CCDC62: variants seen among roughly 807,000 people sequenced by gnomAD.
The protein encoded by CCDC62 is coiled-coil domain containing 62, also known as coiled-coil domain-containing protein 62.
A neutral mutation model predicts 80.8 loss-of-function variants in CCDC62; 72 were observed. That is an observed-to-expected ratio of 0.89 (90% CI 0.74 to 1.08). The LOEUF (loss-of-function observed/expected upper bound fraction) is 1.08. Among genes scored for constraint, CCDC62 ranks in the 50% least tolerant of loss-of-function variants. CCDC62 has a pLI of 0.00. For missense variants in CCDC62, 704 were observed against 809.4 expected (o/e 0.87, Z 1.58); for synonymous variants, 286 against 296.5 (o/e 0.96, Z 0.36).
chr12:122,813,234 C>T, intron 10 of CCDC62, 36 bp from the exon 11 acceptor site: 3 of 1,565,736 alleles, frequency 1.9e-6, no homozygotes, highest in Non-Finnish European at 2.6e-6. Context: ...TGTTTGTAAA[C>T]CTAAGCATTT....
intron 11 of CCDC62, among the ~76,000 whole-genome samples, chr12:122,821,359 AT>A (rs751238978): frequency 6.6e-6 from 1 of 152,192 alleles, no homozygotes; most frequent in Non-Finnish European, 1.5e-5. Context: ...GACCCCACAC[AT>A]GAATGGGAAG....
Position 122,774,655 on chromosome 12 carries a change from G to A in CCDC62, c.-16G>A. The stretch of plus-strand genomic sequence containing the variant: ...GCCGCCCACACCGGGCTTCTCCGGG[G>A]GCGGAGGAAACACCTATGAACCCTC... On this transcript the variant is annotated 5_prime_UTR_variant, in exon 1 of 13. Transcript: ENST00000253079. The A allele has an allele frequency of 1.6e-6, 2 of 1,249,384 alleles. No homozygotes were observed. The highest frequency in any genetic ancestry group is 2.0e-6 in the Non-Finnish European group (2 of 987,838). 77.4% of individuals were successfully genotyped at this position (1,249,384 alleles called of 1,614,324 possible). A position where few individuals can be genotyped will look rare whatever the true frequency, so the allele number is the denominator to read the frequency against.
chr12:122,813,503 C>A (rs369297674), intron 11 of CCDC62, 84 bp downstream of exon 11: 3 of 1,333,326 alleles, frequency 2.3e-6, no homozygotes, highest in Middle Eastern at 2.6e-4. Context: ...ACCGGCAGGG[C>A]GGCCTTTCTG....
chr12:122,777,216 T>C, intron 1 of CCDC62: 1 of 309,942 alleles, frequency 3.2e-6, no homozygotes. Flanking sequence ...CAGAAATAGG[T>C]TTATTTGTTT....
intron 11 of CCDC62, among the ~76,000 whole-genome samples, chr12:122,817,202 C>G (rs569561969): frequency 1.4e-5 from 2 of 143,292 alleles, no homozygotes; most frequent in African/African-American, 5.2e-5. Flanking sequence ...CAGGCACCCG[C>G]CACCACGCCT....
chr12:122,792,199 A>C, intron 6 of CCDC62, 78 bp downstream of exon 6: 9 of 779,272 alleles, frequency 1.2e-5, no homozygotes, highest in Non-Finnish European at 1.9e-5. Flanking sequence ...CTCTCCCAAA[A>C]TGGTTTTTTT....
chr12:122,807,548 A>AC (rs2031675593), intron 10 of CCDC62, among the ~76,000 whole-genome samples: 1 of 151,200 alleles, frequency 6.6e-6, no homozygotes, highest in Non-Finnish European at 1.5e-5. Context: ...AAAAAAAAAA[A>AC]GGTAAACATC....
intron 5 of CCDC62, among the ~76,000 whole-genome samples, chr12:122,790,401 A>C (rs1000035780): frequency 6.6e-6 from 1 of 152,092 alleles, no homozygotes; most frequent in Non-Finnish European, 1.5e-5. Context: ...GATGGCTCAC[A>C]TCTGTAATCC....
At chr12:122,793,060 C>T (rs963831389) in intron 6 of CCDC62, among the ~76,000 whole-genome samples, 3 of 152,162 alleles carry the variant, frequency 2.0e-5, no homozygotes, top group African/African-American at 7.2e-5. Context: ...CCAACCCAGC[C>T]ACCAGCATAG....
intron 12 of CCDC62, among the ~76,000 whole-genome samples, chr12:122,824,984 G>C (rs1367110283): frequency 6.6e-6 from 1 of 151,648 alleles, no homozygotes; most frequent in African/African-American, 2.4e-5. Context: ...TACTCAGGAG[G>C]CTGAGGCAAG....
At chr12:122,822,574 AT>A (rs71085861) in intron 11 of CCDC62, among the ~76,000 whole-genome samples, 5 of 117,744 alleles carry the variant, frequency 4.2e-5, no homozygotes. Flanking sequence ...TGAGTTCCAC[AT>A]TTTTTTTTTT....
At chr12:122,783,332 A>T (rs184602301) in intron 3 of CCDC62, among the ~76,000 whole-genome samples, 27 of 148,404 alleles carry the variant, frequency 1.8e-4, no homozygotes, top group African/African-American at 6.2e-4. Flanking sequence ...GGTTCACACT[A>T]TTCTCCTGCC....
intron 2 of CCDC62, among the ~76,000 whole-genome samples, chr12:122,779,532 C>T (rs566106291): frequency 2.6e-5 from 4 of 152,252 alleles, no homozygotes; most frequent in South Asian, 2.1e-4. Context: ...GCATCCTAGG[C>T]GATGCCACTG....
At chr12:122,806,404 G>GTTTT (rs34775544) in intron 10 of CCDC62, 109 bp downstream of exon 10, 12 of 438,630 alleles carry the variant, frequency 2.7e-5, no homozygotes, top group African/African-American at 9.0e-5. Context: ...CTATTCCTCC[G>GTTTT]TTTTTTTTTT....
At position 122,801,456 on chromosome 12, in the gene CCDC62, G is replaced by A. The variant is rs751097754; in HGVS notation, c.1310G>A (p.Cys437Tyr). The change falls in exon 9 of 13, where the codon TGT becomes TAT. Residue 437 changes from cysteine (C) to tyrosine (Y), a missense_variant. Cys to Tyr is a radical substitution (Grantham distance 194). Coordinates refer to ENST00000253079, the MANE Select transcript of CCDC62 (RefSeq NM_201435.5). ...AAGATCCACACAAAATCACCAAAAT[G>A]TCATGGCACTGGGGTTCAGAACGAA... Reference protein sequence around the residue: ...LCKIHTKSPKCHGTGVQNEGK... With the variant: ...LCKIHTKSPKYHGTGVQNEGK... 5.9e-5 allele frequency: 95 copies of A among 1,613,978 alleles called. No homozygotes were observed. Among genetic ancestry groups the A allele is most frequent in the Non-Finnish European group, 8.0e-5 (94 of 1,180,028 alleles).
chr12:122,813,343 G>A lies in CCDC62; in HGVS notation c.1925G>A (p.Arg642His), dbSNP rs759641693. ...SKLQRLLAES[R>H]QMVTDLELST... ...CTCCAGCGTTTGCTGGCGGAATCTC[G>A]TCAGATGGTGACGGACCTGGAGCTG... Residue 642 changes from arginine (R) to histidine (H), a missense_variant, in exon 11 of 13, where the codon CGT becomes CAT. Transcript: ENST00000253079. 30 of 1,613,852 alleles carry A rather than the reference G, an allele frequency of 1.9e-5. No individual in the cohort carries two copies. The African/African-American group carries it at 2.4e-4, about 13-fold the overall frequency.
intron 2 of CCDC62, among the ~76,000 whole-genome samples, chr12:122,779,463 G>C (rs1006539017): frequency 1.3e-5 from 2 of 151,358 alleles, no homozygotes; most frequent in Admixed American, 6.6e-5. Flanking sequence ...TAAGGGTCTT[G>C]TTAAAATTTA....
chr12:122,799,097 T>TAATA (rs2031139876), intron 8 of CCDC62, among the ~76,000 whole-genome samples: 1 of 151,872 alleles, frequency 6.6e-6, no homozygotes, highest in Non-Finnish European at 1.5e-5. Flanking sequence ...AATAAATAAA[T>TAATA]AATAAATAAA....
intron 3 of CCDC62, among the ~76,000 whole-genome samples, chr12:122,781,843 G>A (rs75410784): frequency 1.3e-5 from 2 of 151,784 alleles, no homozygotes; most frequent in East Asian, 3.9e-4. Context: ...TTCACGACCA[G>A]GCTTGGCAAC....
Sources: gnomAD v4.1 joint callset for allele counts (sites outside exome capture counted in the v4.1 genomes callset) on GRCh38, gnomAD v4.1.1 for gene constraint, MANE v1.5 for transcripts, NCBI Gene and HGNC (gene_info 2026-07-23, HGNC 2026-07-21) for gene names.